CPQ: variants seen among roughly 807,000 people sequenced by gnomAD.
CPQ encodes the protein Ser-Met dipeptidase.
CPQ carries 37 observed loss-of-function variants against 45.7 expected under a neutral mutation model. The observed-to-expected ratio is 0.81, with a 90% CI of 0.62 to 1.07. CPQ has a LOEUF of 1.07. Ranked by LOEUF, CPQ falls within the 50% of genes least tolerant of loss-of-function variation. CPQ has a pLI of 0.00. For missense variants in CPQ, 537 were observed against 572.9 expected (o/e 0.94, Z 0.64); for synonymous variants, 186 against 205.8 (o/e 0.90, Z 0.82).
intron 5 of CPQ, among the ~76,000 whole-genome samples, chr8:96,996,087 G>T (rs567425847): frequency 6.6e-6 from 1 of 152,020 alleles, no homozygotes; most frequent in Non-Finnish European, 1.5e-5. Flanking sequence ...GTGGACGATG[G>T]TGTTAAGTGT....
At chr8:96,766,885 T>C (rs1810474613) in intron 1 of CPQ, among the ~76,000 whole-genome samples, 2 of 152,078 alleles carry the variant, frequency 1.3e-5, no homozygotes, top group African/African-American at 2.4e-5. Flanking sequence ...TTGCTCTCTG[T>C]TGCTCTGTGT....
chr8:96,743,095 G>T (rs1041994147), intron 1 of CPQ, among the ~76,000 whole-genome samples: 18 of 152,026 alleles, frequency 1.2e-4, no homozygotes, highest in East Asian at 3.9e-4. Context: ...CCATTCTCCC[G>T]GTCACTTTCA....
chr8:96,783,804 A>C (rs1159317390), intron 1 of CPQ, among the ~76,000 whole-genome samples: 1 of 152,186 alleles, frequency 6.6e-6, no homozygotes, highest in Non-Finnish European at 1.5e-5. Flanking sequence ...GTTTAATTTA[A>C]TTTTAGTTAA....
rs148764830 is a variant in CPQ, at chr8:96,835,157, C to T, written c.618C>T (p.Ser206=). Residue 206 remains serine, a synonymous_variant, in exon 3 of 8, where the codon TCC becomes TCT. Coordinates refer to ENST00000220763, the MANE Select transcript of CPQ (RefSeq NM_016134.4). ...KVGALASLIR[S]VASFSIYSPH... The stretch of plus-strand genomic sequence containing the variant: ...GGGCTTTGGCATCTCTCATTCGATC[C>T]GTGGCCTCCTTCTCCATCTACAGGT... 33 of 1,524,062 alleles carry T rather than the reference C, an allele frequency of 2.2e-5. No individual in the cohort carries two copies. Among genetic ancestry groups the T allele is most frequent in the Middle Eastern group, 1.8e-4 (1 of 5,544 alleles). The allele number at this position is 1,524,062 out of a possible 1,614,324, so 94.4% of individuals were successfully genotyped here.
intron 5 of CPQ, among the ~76,000 whole-genome samples, chr8:96,996,047 G>A (rs760554786): frequency 2.6e-5 from 4 of 151,994 alleles, no homozygotes; most frequent in Non-Finnish European, 5.9e-5. Context: ...GAAGGAAGGC[G>A]AGGAAGGAGA....
chr8:97,041,816 T>G (rs557660167), intron 6 of CPQ, among the ~76,000 whole-genome samples: 1,819 of 152,320 alleles, frequency 0.012, 32 homozygotes, highest in African/African-American at 0.041. Flanking sequence ...GAACCAGCCT[T>G]GCATCCCAGG....
At chr8:96,754,005 C>T (rs1171212853) in intron 1 of CPQ, among the ~76,000 whole-genome samples, 1 of 151,784 alleles carries the variant, frequency 6.6e-6, no homozygotes, top group African/African-American at 2.4e-5. Flanking sequence ...CCTAGTGATG[C>T]AATGTGTTAT....
chr8:96,774,908 G>A (rs978261909), intron 1 of CPQ, among the ~76,000 whole-genome samples: 11 of 152,158 alleles, frequency 7.2e-5, no homozygotes, highest in South Asian at 4.1e-4. Flanking sequence ...TCAGATACAC[G>A]GCACAGAAAA....
At chr8:96,682,449 T>G (rs984413018) in intron 1 of CPQ, among the ~76,000 whole-genome samples, 4 of 152,362 alleles carry the variant, frequency 2.6e-5, no homozygotes, top group African/African-American at 9.6e-5. Flanking sequence ...TGGTGAGGCC[T>G]CCCAGCCATG....
chr8:96,870,368 A>G (rs975870074), intron 3 of CPQ, among the ~76,000 whole-genome samples: 2 of 152,036 alleles, frequency 1.3e-5, no homozygotes, highest in African/African-American at 2.4e-5. Context: ...GAATTGATAT[A>G]CAGATTAAAT....
chr8:96,856,796 G>A (rs1811857740), intron 3 of CPQ, among the ~76,000 whole-genome samples: 1 of 152,206 alleles, frequency 6.6e-6, no homozygotes. Flanking sequence ...GAAGAGAGTG[G>A]TTAAGGAAAA....
chr8:96,827,920 G>A (rs1029040667), intron 2 of CPQ, among the ~76,000 whole-genome samples: 1 of 152,062 alleles, frequency 6.6e-6, no homozygotes, highest in Non-Finnish European at 1.5e-5. Flanking sequence ...AGAGTAAGAT[G>A]TTGGCTTGTT....
At chr8:96,713,239 C>G (rs1339080617) in intron 1 of CPQ, among the ~76,000 whole-genome samples, 1 of 152,230 alleles carries the variant, frequency 6.6e-6, no homozygotes, top group African/African-American at 2.4e-5. Flanking sequence ...AAGTTTTAAA[C>G]TTTTCCACAT....
chr8:96,934,011 A>G (rs1813012338), intron 4 of CPQ, among the ~76,000 whole-genome samples: 1 of 152,212 alleles, frequency 6.6e-6, no homozygotes, highest in Admixed American at 6.5e-5. Flanking sequence ...TAGCACCTGG[A>G]AGGCATTCAG....
chr8:96,913,195 T>C (rs185098432), intron 4 of CPQ, among the ~76,000 whole-genome samples: 84 of 152,330 alleles, frequency 5.5e-4, no homozygotes, highest in African/African-American at 1.9e-3. Context: ...TAGGCAACCA[T>C]GTATATAGCT....
chr8:96,665,612 A>G (rs1037010736), intron 1 of CPQ, among the ~76,000 whole-genome samples: 1 of 152,178 alleles, frequency 6.6e-6, no homozygotes, highest in South Asian at 2.1e-4. Flanking sequence ...ATGGGATTAA[A>G]CCAAATGAGA....
In CPQ at chr8:96,908,747, GCA is replaced by G. The variant is rs34425501; in HGVS notation, c.849+28772_849+28773del. Among the ~76,000 whole-genome samples the G allele has an allele frequency of 7.8e-5, 11 of 140,916 alleles. 1 individual carries two copies. Among genetic ancestry groups the G allele is most frequent in the African/African-American group, 1.0e-4 (4 of 38,586 alleles). The allele number at this position is 140,916 out of a possible 152,430, so 92.4% of individuals were successfully genotyped here. A position where few individuals can be genotyped will look rare whatever the true frequency, so the allele number is the denominator to read the frequency against. ...TCTCTTTTCAGTTTTATACACATGC[GCA>G]CACACACACACACACACACACACAC... On this transcript the variant is annotated intron_variant, in intron 4 of 7. Transcript: ENST00000220763.
At chr8:96,971,293 G>A (rs993004960) in intron 5 of CPQ, among the ~76,000 whole-genome samples, 1 of 152,182 alleles carries the variant, frequency 6.6e-6, no homozygotes, top group Non-Finnish European at 1.5e-5. Flanking sequence ...GCCTATTGTT[G>A]TGTCTCTCCC....
intron 2 of CPQ, among the ~76,000 whole-genome samples, chr8:96,797,911 C>T (rs1228099753): frequency 2.0e-5 from 3 of 151,848 alleles, no homozygotes; most frequent in African/African-American, 7.3e-5. Flanking sequence ...ATTAGCCAGG[C>T]GTTGTGGCAG....
Sources: gnomAD v4.1 joint callset for allele counts (sites outside exome capture counted in the v4.1 genomes callset) on GRCh38, gnomAD v4.1.1 for gene constraint, MANE v1.5 for transcripts, NCBI Gene and HGNC (gene_info 2026-07-23, HGNC 2026-07-21) for gene names.